Variants in AMY2B observed in about 807,000 individuals in gnomAD.
The protein encoded by AMY2B is amylase alpha 2B, also known as alpha-amylase 2B.
In AMY2B, 63 loss-of-function variants were observed where a neutral mutation model predicts 59.3. The ratio of observed to expected loss-of-function variants is 1.06; its 90% CI spans 0.87 to 1.31. AMY2B has a LOEUF of 1.31. Ranked by LOEUF, AMY2B falls within the 50% of genes most tolerant of loss-of-function variation. The pLI is 0.00. For missense variants in AMY2B, 635 were observed against 626.7 expected, an observed-to-expected ratio of 1.01 and a Z score of -0.14; for synonymous variants, 180 against 198.1, an observed-to-expected ratio of 0.91 and a Z score of 0.77.
In AMY2B at chr1:103,575,657, A is replaced by G; in HGVS notation, c.1101+117A>G. Reference sequence around the variant, plus strand: ...CAACAAATAATTGATTAGAAACCTGATATAGGGCTGCGATTTTAGTAATGC... The same window carrying G: ...CAACAAATAATTGATTAGAAACCTGGTATAGGGCTGCGATTTTAGTAATGC... On this transcript the variant is annotated intron_variant, in intron 7 of 9. Coordinates refer to ENST00000684275, the MANE Select transcript of AMY2B (RefSeq NM_001387437.1). 2.1e-6 allele frequency: 3 copies of G among 1,450,420 alleles called. No homozygotes were observed. The South Asian group carries it at 4.0e-5, about 19-fold the overall frequency. The allele number at this position is 1,450,420 out of a possible 1,614,324, so 89.8% of individuals were successfully genotyped here.
In AMY2B at chr1:103,579,497, A is replaced by T. The variant is rs774097810; in HGVS notation, c.1533A>T (p.Leu511Phe). ...TTGCAATTCATGCTGAATCTAAATTATAAAATTTAAAATTAAATGCATATC... is the reference window on the plus strand; with the variant it reads ...TTGCAATTCATGCTGAATCTAAATTTTAAAATTTAAAATTAAATGCATATC... ...PFIAIHAESK[L>F] The change falls in exon 10 of 10, where the codon TTA becomes TTT. Residue 511 changes from leucine to phenylalanine, a missense_variant. Transcript: ENST00000684275. The T allele has an allele frequency of 9.9e-6, 16 of 1,608,772 alleles. No homozygotes were observed. The highest frequency in any genetic ancestry group is 4.5e-4 in the Middle Eastern group (2 of 4,438).
rs527697153 is a variant in AMY2B, at chr1:103,575,733, C to A, written c.1101+193C>A. The A allele has an allele frequency of 9.9e-5, 80 of 807,542 alleles. No individual in the cohort carries two copies. In the African/African-American group the frequency reaches 1.1e-3, roughly 11 times the overall value. The allele number at this position is 807,542 out of a possible 1,614,324, so 50.0% of individuals were successfully genotyped here. A position where few individuals can be genotyped will look rare whatever the true frequency, so the allele number is the denominator to read the frequency against. ...ATATTTTCCATTGACAAAGAGTATG[C>A]AAGCCTTTTCAGACATATGATAAAC... On this transcript the variant is annotated intron_variant, in intron 7 of 9. Transcript: ENST00000684275.
At chr1:103,570,990 G>T, upstream of AMY2B, 1 of 366,730 alleles carries the variant, frequency 2.7e-6, no homozygotes, top group Non-Finnish European at 5.0e-6. Flanking sequence ...TGGTGAGTCT[G>T]CATGGCCAGC....
intron 1 of AMY2B, among the ~76,000 whole-genome samples, chr1:103,557,408 TG>T (rs1651591733): frequency 6.6e-6 from 1 of 152,128 alleles, no homozygotes; most frequent in Non-Finnish European, 1.5e-5. Flanking sequence ...CCCAGCACTT[TG>T]GGAGGCCAAC....
In AMY2B at chr1:103,573,784, A is replaced by G. The variant is rs1652233864; in HGVS notation, c.590A>G (p.Tyr197Cys). The G allele has an allele frequency of 6.2e-7, 1 of 1,613,748 alleles. No homozygotes were observed. The highest frequency in any genetic ancestry group is 8.5e-7 in the Non-Finnish European group (1 of 1,179,784). ...TATGTGCGTTCCAAGATTGCCGAAT[A>G]TATGAATCATCTCATTGACATTGGT... ...KDYVRSKIAE[Y>C]MNHLIDIGVA... The change falls in exon 4 of 10, where the codon TAT (tyrosine) becomes TGT (cysteine). Residue 197 changes from tyrosine (Y) to cysteine (C), a missense_variant. Tyr to Cys is a radical substitution (Grantham distance 194). Coordinates refer to ENST00000684275, the MANE Select transcript of AMY2B (RefSeq NM_001387437.1).
chr1:103,563,666 A>G (rs1217614468), intron 1 of AMY2B, among the ~76,000 whole-genome samples: 3 of 152,090 alleles, frequency 2.0e-5, no homozygotes, highest in East Asian at 1.9e-4. Context: ...ATGCAGTGCT[A>G]AATTCCCTAA....
intron 7 of AMY2B, 145 bp downstream of exon 7, chr1:103,575,685 G>T: frequency 1.7e-6 from 2 of 1,209,900 alleles, no homozygotes; most frequent in Non-Finnish European, 2.3e-6. Flanking sequence ...AGTAATGCAG[G>T]TTATATTAAA....
At chr1:103,576,708 A>G (rs1002868244) in intron 7 of AMY2B, among the ~76,000 whole-genome samples, 18 of 152,202 alleles carry the variant, frequency 1.2e-4, no homozygotes, top group African/African-American at 3.9e-4. Flanking sequence ...ATGGACTCTA[A>G]TATTTATTGA....
intron 7 of AMY2B, chr1:103,575,810 G>C: frequency 2.6e-6 from 1 of 392,152 alleles, no homozygotes; most frequent in Non-Finnish European, 4.4e-6. Context: ...ATAAGAGCTA[G>C]GCACAGGGAT....
At chr1:103,576,262 A>T (rs529935058) in intron 7 of AMY2B, among the ~76,000 whole-genome samples, 125 of 152,312 alleles carry the variant, frequency 8.2e-4, no homozygotes, top group Non-Finnish European at 1.6e-3. Flanking sequence ...CCTTCCTCTG[A>T]GTCACACAGA....
rs372445878 is a variant in AMY2B, at chr1:103,578,393, A to G, written c.1346+548A>G. ...TTAATGATTGGCTTCAGGGGATTTG[A>G]GTTTTAGTTCCGAAACTTCTCATTA... is the stretch of plus-strand genomic sequence containing the variant. On this transcript the variant is annotated intron_variant, in intron 9 of 9. Coordinates refer to ENST00000684275, the MANE Select transcript of AMY2B (RefSeq NM_001387437.1). 5.3e-5 allele frequency among the ~76,000 whole-genome samples: 8 copies of G among 152,116 alleles called. No homozygotes were observed. In the South Asian group the frequency reaches 8.3e-4, roughly 16 times the overall value.
At chr1:103,575,157 C>T in intron 5 of AMY2B, 66 bp from the exon 6 acceptor site, 8 of 1,607,102 alleles carry the variant, frequency 5.0e-6, no homozygotes, top group Non-Finnish European at 5.9e-6. Flanking sequence ...AAGAGATGCA[C>T]AGTTAAGTTA....
In AMY2B at chr1:103,577,768, C is replaced by A; in HGVS notation, c.1269C>A (p.Asn423Lys). 6.2e-7 allele frequency: 1 copy of A among 1,609,170 alleles called. No individual in the cohort carries two copies. Among genetic ancestry groups the A allele is most frequent in the Non-Finnish European group, 8.5e-7 (1 of 1,179,754 alleles). Residue 423 changes from asparagine to lysine, a missense_variant, in exon 9 of 10, where the codon AAC becomes AAA. Asn to Lys is a moderately conservative substitution (Grantham distance 94, BLOSUM62 0). Coordinates refer to ENST00000684275, the MANE Select transcript of AMY2B (RefSeq NM_001387437.1). Reference sequence around the variant, plus strand: ...TAGTGGATGGCCAGCCTTTTACAAACTGGTATGATAATGGGAGCAACCAAG... The same window carrying A: ...TAGTGGATGGCCAGCCTTTTACAAAATGGTATGATAATGGGAGCAACCAAG... ...RNVVDGQPFT[N>K]WYDNGSNQVA... is the part of the protein sequence containing the mutation.
chr1:103,562,664 T>C (rs1651769502), intron 1 of AMY2B, among the ~76,000 whole-genome samples: 1 of 147,420 alleles, frequency 6.8e-6, no homozygotes, highest in South Asian at 2.2e-4. Context: ...CATTAATAGA[T>C]AACTTGTCTT....
At chr1:103,569,945 A>G (rs1172834701), upstream of AMY2B, 4 of 468,702 alleles carry the variant, frequency 8.5e-6, no homozygotes, top group African/African-American at 8.0e-5. Flanking sequence ...CACCCTGGCC[A>G]TGTACGTGGC....
intron 1 of AMY2B, among the ~76,000 whole-genome samples, chr1:103,556,723 A>G (rs773960446): frequency 7.2e-5 from 11 of 152,024 alleles, no homozygotes; most frequent in Non-Finnish European, 1.5e-4. Context: ...AAGGAGATGA[A>G]TTCAAGAAAT....
chr1:103,571,404 A>G (rs905986775), upstream of AMY2B: 9 of 1,258,168 alleles, frequency 7.2e-6, no homozygotes, highest in African/African-American at 4.5e-5. Flanking sequence ...TTAATTTCTA[A>G]AAGGTCATTT....
chr1:103,557,481 G>A (rs776712359), intron 1 of AMY2B, among the ~76,000 whole-genome samples: 2 of 151,740 alleles, frequency 1.3e-5, no homozygotes, highest in East Asian at 1.9e-4. Context: ...ATGAGACCTC[G>A]TCTCTACTAA....
At chr1:103,575,592 T>C in intron 7 of AMY2B, 52 bp downstream of exon 7, 2 of 1,605,318 alleles carry the variant, frequency 1.2e-6, no homozygotes, top group Non-Finnish European at 1.7e-6. Flanking sequence ...CAGAAGGCAA[T>C]CTTGTTCTAA....
Sources: gnomAD v4.1 joint callset for allele counts (sites outside exome capture counted in the v4.1 genomes callset) on GRCh38, gnomAD v4.1.1 for gene constraint, MANE v1.5 for transcripts, NCBI Gene and HGNC (gene_info 2026-07-23, HGNC 2026-07-21) for gene names.